Variants in TNIP3 observed in about 807,000 individuals in gnomAD.
TNIP3 encodes TNFAIP3 interacting protein 3.
In TNIP3, 34 loss-of-function variants were observed where a neutral mutation model predicts 54.1. That is an observed-to-expected ratio of 0.63 (90% confidence interval 0.48 to 0.84). TNIP3 has a LOEUF of 0.84. TNIP3 is among the 40% of genes least tolerant of loss of function. The pLI is 0.00. For synonymous variants in TNIP3, 134 were observed against 136.8 expected, an observed-to-expected ratio of 0.98 and a Z score of 0.14; for missense variants, 366 against 387.6, an observed-to-expected ratio of 0.94 and a Z score of 0.47.
chr4:121,177,861 G>A (rs1215591433), intron 3 of TNIP3, among the ~76,000 whole-genome samples: 2 of 152,174 alleles, frequency 1.3e-5, no homozygotes, highest in Non-Finnish European at 2.9e-5. Context: ...ACTAAACCAT[G>A]TTTACTCAAA....
In TNIP3 at chr4:121,150,169, C is replaced by T. The variant is rs1480268150; in HGVS notation, c.543G>A (p.Leu181=). 3.7e-6 allele frequency: 6 copies of T among 1,613,766 alleles called. No homozygotes were observed. The African/African-American group carries it at 5.3e-5, about 14-fold the overall frequency. Residue 181 remains leucine (L), a synonymous_variant, in exon 6 of 11, where the codon TTG becomes TTA. Transcript: ENST00000057513. ...GGCAGAATTCCACTCGAGACTTCCT[C>T]AAACAGTCCTCGGAAAATGAACACT... ...NIKCSFSEDC[L]RKSRVEFCHE...
chr4:121,198,349 G>C, intron 2 of TNIP3, among the ~76,000 whole-genome samples: 1 of 152,132 alleles, frequency 6.6e-6, no homozygotes, highest in East Asian at 1.9e-4. Flanking sequence ...ATATGGATTT[G>C]ATATATATAG....
intron 1 of TNIP3, chr4:121,227,346 C>A: frequency 6.5e-7 from 1 of 1,529,036 alleles, no homozygotes; most frequent in Non-Finnish European, 8.8e-7. Context: ...GGTAAGTAAG[C>A]GAAATGAAAG....
intron 2 of TNIP3, among the ~76,000 whole-genome samples, chr4:121,192,085 C>T (rs1355654507): frequency 6.6e-6 from 1 of 151,900 alleles, no homozygotes; most frequent in Non-Finnish European, 1.5e-5. Flanking sequence ...GAATTTTTTT[C>T]ACATCTATAT....
intron 1 of TNIP3, among the ~76,000 whole-genome samples, chr4:121,163,581 G>C (rs1354531004): frequency 6.6e-6 from 1 of 152,060 alleles, no homozygotes; most frequent in African/African-American, 2.4e-5. Context: ...TAAATGAATA[G>C]AAGTTTCCAT....
At chr4:121,150,387 T>A (rs1729676414) in intron 5 of TNIP3, among the ~76,000 whole-genome samples, 168 bp from the exon 6 acceptor site, 1 of 150,256 alleles carries the variant, frequency 6.7e-6, no homozygotes, top group South Asian at 2.1e-4. Context: ...ATATATGTAT[T>A]TTTTTTTTCA....
chr4:121,153,104 G>T (rs1201456698), intron 5 of TNIP3, among the ~76,000 whole-genome samples: 2 of 152,118 alleles, frequency 1.3e-5, no homozygotes, highest in East Asian at 1.9e-4. Flanking sequence ...ATAAAGATCT[G>T]ATTTTACTCA....
At chr4:121,132,714 C>A (rs1329658403) in intron 10 of TNIP3, 52 bp from the exon 11 acceptor site, 10 of 1,511,786 alleles carry the variant, frequency 6.6e-6, no homozygotes, top group East Asian at 4.5e-5. Flanking sequence ...CATTTCATTT[C>A]TCTTCTTCTG....
At chr4:121,199,984 G>A (rs1725794797) in intron 2 of TNIP3, among the ~76,000 whole-genome samples, 1 of 152,044 alleles carries the variant, frequency 6.6e-6, no homozygotes, top group African/African-American at 2.4e-5. Flanking sequence ...ATTACACAAA[G>A]GCACTACACA....
intron 5 of TNIP3, among the ~76,000 whole-genome samples, chr4:121,153,620 C>T (rs1026323044): frequency 2.0e-5 from 3 of 152,144 alleles, no homozygotes; most frequent in African/African-American, 7.2e-5. Flanking sequence ...AATAACTTGT[C>T]CCACACACAG....
chr4:121,226,296 AAG>A (rs2148856428), intron 1 of TNIP3, among the ~76,000 whole-genome samples: 1 of 152,314 alleles, frequency 6.6e-6, no homozygotes, highest in African/African-American at 2.4e-5. Flanking sequence ...TGAAAAGGAA[AAG>A]AGAAAATGAA....
upstream of TNIP3, among the ~76,000 whole-genome samples, chr4:121,220,371 G>T (rs12649636): frequency 0.038 from 5,730 of 152,210 alleles, 202 homozygotes; most frequent in South Asian, 0.21. Flanking sequence ...GTGTCTTCTG[G>T]CCCACAATAA....
intron 10 of TNIP3, chr4:121,138,023 G>A (rs764298440): frequency 2.2e-5 from 10 of 450,672 alleles, no homozygotes; most frequent in Middle Eastern, 3.3e-4. Flanking sequence ...ATTCTAGAAA[G>A]AAAACAGAAA....
chr4:121,160,455 G>C (rs1730378664), intron 2 of TNIP3, among the ~76,000 whole-genome samples: 1 of 150,012 alleles, frequency 6.7e-6, no homozygotes, highest in African/African-American at 2.5e-5. Flanking sequence ...CTCCAGCCTG[G>C]GTGACAGAGC....
chr4:121,144,019 C>T (rs1465744138), intron 7 of TNIP3, among the ~76,000 whole-genome samples: 3 of 152,200 alleles, frequency 2.0e-5, no homozygotes, highest in Non-Finnish European at 4.4e-5. Context: ...CAGGAAACAA[C>T]TTTGCTGCTC....
chr4:121,158,577 T>C (rs1429948245), intron 3 of TNIP3, 110 bp downstream of exon 3: 12 of 846,136 alleles, frequency 1.4e-5, no homozygotes, highest in South Asian at 9.1e-5. Flanking sequence ...TTTCCAACAG[T>C]TGGCTATCCA....
chr4:121,202,505 C>G (rs1240316202), intron 2 of TNIP3, among the ~76,000 whole-genome samples: 1 of 152,078 alleles, frequency 6.6e-6, no homozygotes, highest in African/African-American at 2.4e-5. Context: ...TTGGCAAAAC[C>G]TTTCTAGACA....
At chr4:121,172,030 G>T (rs1418106314) in intron 3 of TNIP3, among the ~76,000 whole-genome samples, 1 of 152,102 alleles carries the variant, frequency 6.6e-6, no homozygotes, top group Non-Finnish European at 1.5e-5. Flanking sequence ...ACCACACCTG[G>T]CCCCTATTCC....
chr4:121,132,225 C>CAG lies in TNIP3; in HGVS notation c.*405_*406insCT, dbSNP rs1309713755. Reference sequence around the variant, plus strand: ...TTTTACCCCAGGAAACACACACACACACACACACACACACACACACACACA... The same window carrying CAG: ...TTTTACCCCAGGAAACACACACACACAGACACACACACACACACACACACACA... On this transcript the variant is annotated 3_prime_UTR_variant, in exon 11 of 11. Transcript: ENST00000057513. The CAG allele has an allele frequency of 6.3e-6, 1 of 157,668 alleles. No individual in the cohort carries two copies. Among genetic ancestry groups the CAG allele is most frequent in the Non-Finnish European group, 1.3e-5 (1 of 74,364 alleles). The allele number at this position is 157,668 out of a possible 1,614,324, so 9.8% of individuals were successfully genotyped here. A position where few individuals can be genotyped will look rare whatever the true frequency, so the allele number is the denominator to read the frequency against.
Sources: allele counts gnomAD v4.1 joint callset (sites outside exome capture counted in the v4.1 genomes callset), GRCh38; gene constraint gnomAD v4.1.1; transcripts MANE v1.5; gene names NCBI Gene and HGNC (gene_info 2026-07-23, HGNC 2026-07-21).